The following CPNE8 variants were observed in gnomAD, a reference collection of about 807,000 sequenced individuals.
The protein encoded by CPNE8 is copine-8.
CPNE8 carries 45 observed loss-of-function variants against 81.5 expected under a neutral mutation model. That is an observed-to-expected ratio of 0.55 (90% CI 0.44 to 0.71). The LOEUF is 0.71. CPNE8 is among the 30% of genes least tolerant of loss of function. CPNE8 has a pLI of 0.00. For missense variants in CPNE8, 594 were observed against 672.1 expected (o/e 0.88, Z 1.28); for synonymous variants, 252 against 226.3 (o/e 1.11, Z -1.02).
intron 3 of CPNE8, among the ~76,000 whole-genome samples, chr12:38,857,003 A>C (rs1943749998): frequency 6.6e-6 from 1 of 152,052 alleles, no homozygotes; most frequent in South Asian, 2.1e-4. Flanking sequence ...ATTTTGATAA[A>C]AAATACTCTT....
At chr12:38,740,128 G>A (rs1395940854) in intron 10 of CPNE8, among the ~76,000 whole-genome samples, 2 of 152,132 alleles carry the variant, frequency 1.3e-5, no homozygotes, top group Non-Finnish European at 2.9e-5. Flanking sequence ...CTTGTAAGTT[G>A]GATTCCTAGG....
chr12:38,702,677 T>G (rs1939976352), intron 14 of CPNE8, among the ~76,000 whole-genome samples, 198 bp downstream of exon 14: 2 of 152,208 alleles, frequency 1.3e-5, no homozygotes, highest in Middle Eastern at 6.8e-3. Context: ...CTATTAGCAT[T>G]TTTGTTATAT....
intron 10 of CPNE8, among the ~76,000 whole-genome samples, chr12:38,743,742 G>A (rs758144513): frequency 1.4e-4 from 21 of 151,930 alleles, no homozygotes; most frequent in South Asian, 2.1e-4. Flanking sequence ...GCAGAAAATC[G>A]AACTTCAGGC....
intron 4 of CPNE8, among the ~76,000 whole-genome samples, chr12:38,843,120 T>A (rs1052961490): frequency 3.3e-5 from 5 of 152,162 alleles, no homozygotes; most frequent in Admixed American, 1.3e-4. Context: ...GTGCCTAAAT[T>A]TAGTAACAAA....
chr12:38,799,342 CTG>C (rs1942594574), intron 6 of CPNE8, among the ~76,000 whole-genome samples: 1 of 152,140 alleles, frequency 6.6e-6, no homozygotes, highest in Admixed American at 6.5e-5. Context: ...TTACAACAAA[CTG>C]TCTCTCAGAC....
intron 19 of CPNE8, among the ~76,000 whole-genome samples, chr12:38,661,195 C>T (rs1311785633): frequency 6.6e-6 from 1 of 152,102 alleles, no homozygotes; most frequent in Non-Finnish European, 1.5e-5. Context: ...ATAGCAAAGA[C>T]TTGGAACCAA....
intron 19 of CPNE8, among the ~76,000 whole-genome samples, chr12:38,661,779 C>T (rs1289577573): frequency 3.3e-5 from 5 of 151,676 alleles, no homozygotes; most frequent in Non-Finnish European, 7.4e-5. Context: ...AAACCAAATA[C>T]AACAGCACAT....
chr12:38,881,807 G>A (rs1398018514), intron 1 of CPNE8, among the ~76,000 whole-genome samples: 1 of 152,140 alleles, frequency 6.6e-6, no homozygotes, highest in Non-Finnish European at 1.5e-5. Context: ...AAGTAATGGA[G>A]GGTTAACTCA....
chr12:38,793,186 C>A lies in CPNE8; in HGVS notation c.408-16885G>T, dbSNP rs1489960672. Among the ~76,000 whole-genome samples, 4 of 142,794 alleles carry A rather than the reference C, an allele frequency of 2.8e-5. 1 individual carries two copies. Among genetic ancestry groups the A allele is most frequent in the Admixed American group, 2.7e-4 (4 of 14,916 alleles). The allele number at this position is 142,794 out of a possible 152,430, so 93.7% of individuals were successfully genotyped here. A position where few individuals can be genotyped will look rare whatever the true frequency, so the allele number is the denominator to read the frequency against. On this transcript the variant is annotated intron_variant, in intron 6 of 19. Transcript: ENST00000331366. ...GAGGAAGGCAAGTATGCCCACTCTC[C>A]CACTTCTATTCAACATAATACTGTA...
At position 38,672,552 on chromosome 12, in the gene CPNE8, T is replaced by C. The variant is rs77740489; in HGVS notation, c.1433-1750A>G. 5.2e-3 allele frequency among the ~76,000 whole-genome samples: 798 copies of C among 152,314 alleles called. 5 individuals carry two copies. Among genetic ancestry groups the C allele is most frequent in the African/African-American group, 0.018 (756 of 41,576 alleles). On this transcript the variant is annotated intron_variant, in intron 18 of 19. Coordinates refer to ENST00000331366, the MANE Select transcript of CPNE8 (RefSeq NM_153634.3). The stretch of plus-strand genomic sequence containing the variant: ...AAGGTGTATGAGACAGATTTGCATT[T>C]CTTTCTAGCCATGGGAGACACAATG...
At chr12:38,902,422 A>AG (rs1426454283) in intron 1 of CPNE8, among the ~76,000 whole-genome samples, 1 of 123,750 alleles carries the variant, frequency 8.1e-6, no homozygotes, top group South Asian at 2.3e-4. Context: ...AAAGAAAAAG[A>AG]AAGAAAGAAA....
At chr12:38,678,484 A>T (rs977281622) in intron 16 of CPNE8, among the ~76,000 whole-genome samples, 1 of 151,900 alleles carries the variant, frequency 6.6e-6, no homozygotes, top group Non-Finnish European at 1.5e-5. Flanking sequence ...GATAGTAAAG[A>T]AGATCTTGAT....
Position 38,653,915 on chromosome 12 carries a change from G to T in CPNE8, c.1662C>A (p.Thr554=). 4 of 1,613,392 alleles carry T rather than the reference G, an allele frequency of 2.5e-6. No individual in the cohort carries two copies. The highest frequency in any genetic ancestry group is 3.4e-6 in the Non-Finnish European group (4 of 1,179,890). The change falls in exon 20 of 20, where the codon ACC becomes ACA. Residue 554 remains threonine (T), a synonymous_variant. Coordinates refer to ENST00000331366, the MANE Select transcript of CPNE8 (RefSeq NM_153634.3). ...IKPSPAPPPY[T]PPTHVLQTQI Reference sequence around the variant, plus strand: ...GAGTCTGTAACACATGTGTAGGTGGGGTGTATGGGGGAGGCGCAGGTGATG... The same window carrying T: ...GAGTCTGTAACACATGTGTAGGTGGTGTGTATGGGGGAGGCGCAGGTGATG...
chr12:38,780,596 C>G (rs1389394283), intron 6 of CPNE8, among the ~76,000 whole-genome samples: 1 of 151,896 alleles, frequency 6.6e-6, no homozygotes, highest in Non-Finnish European at 1.5e-5. Flanking sequence ...CCAGAGGAAC[C>G]AGACAGAAAA....
intron 14 of CPNE8, among the ~76,000 whole-genome samples, chr12:38,697,048 CA>C (rs1939814943): frequency 6.6e-6 from 1 of 151,966 alleles, no homozygotes; most frequent in Non-Finnish European, 1.5e-5. Context: ...TCCCCCATCT[CA>C]AAAAACAAAA....
chr12:38,773,189 G>A (rs1592076131), intron 7 of CPNE8, among the ~76,000 whole-genome samples: 1 of 152,078 alleles, frequency 6.6e-6, no homozygotes. Flanking sequence ...TTATCAAGGA[G>A]CACAAAATTT....
At chr12:38,803,420 C>G (rs1022733403) in intron 6 of CPNE8, among the ~76,000 whole-genome samples, 10 of 150,064 alleles carry the variant, frequency 6.7e-5, no homozygotes, top group Non-Finnish European at 1.2e-4. Flanking sequence ...ATGATTATCT[C>G]AATAGATGCA....
At chr12:38,737,837 C>CTT (rs1379872264) in intron 10 of CPNE8, among the ~76,000 whole-genome samples, 2 of 151,972 alleles carry the variant, frequency 1.3e-5, no homozygotes, top group African/African-American at 4.8e-5. Flanking sequence ...CTCTCTCTCT[C>CTT]TCTCCTGCAC....
In CPNE8 at chr12:38,797,884, G is replaced by A. The variant is rs1186984687; in HGVS notation, c.408-21583C>T. Among the ~76,000 whole-genome samples, 9 of 152,142 alleles carry A rather than the reference G, an allele frequency of 5.9e-5. No homozygotes were observed. In the South Asian group the frequency reaches 6.2e-4, roughly 10 times the overall value. On this transcript the variant is annotated intron_variant, in intron 6 of 19. Coordinates refer to ENST00000331366, the MANE Select transcript of CPNE8 (RefSeq NM_153634.3). ...CTGATGGAGCTGAAAGCAAAGGCTCGAGAACTACGTGAAGAATGCAGAAGC... is the reference window on the plus strand; with the variant it reads ...CTGATGGAGCTGAAAGCAAAGGCTCAAGAACTACGTGAAGAATGCAGAAGC...
Sources: allele counts gnomAD v4.1 joint callset (sites outside exome capture counted in the v4.1 genomes callset), GRCh38; gene constraint gnomAD v4.1.1; transcripts MANE v1.5; gene names NCBI Gene and HGNC (gene_info 2026-07-23, HGNC 2026-07-21).